The following AKAP11 variants were observed in gnomAD, a reference collection of about 807,000 sequenced individuals.
AKAP11 encodes the protein A-kinase anchor protein 11.
A neutral mutation model predicts 146.1 loss-of-function variants in AKAP11; 36 were observed. The ratio of observed to expected loss-of-function variants is 0.25; its 90% CI spans 0.19 to 0.33. The LOEUF (loss-of-function observed/expected upper bound fraction) is 0.33. Among genes scored for constraint, AKAP11 ranks in the 10% least tolerant of loss-of-function variants. The pLI, the probability that AKAP11 is intolerant of heterozygous loss-of-function variation, is 1.00. For missense variants in AKAP11, 2,201 were observed against 2,197.0 expected, an observed-to-expected ratio of 1.00 and a Z score of -0.04; for synonymous variants, 780 against 786.5, an observed-to-expected ratio of 0.99 and a Z score of 0.14.
At chr13:42,282,822 T>C (rs1384782247) in intron 1 of AKAP11, among the ~76,000 whole-genome samples, 6 of 152,344 alleles carry the variant, frequency 3.9e-5, no homozygotes, top group South Asian at 2.1e-4. Context: ...TTCCAAGCCA[T>C]GTAGGTTCAC....
At chr13:42,314,167 A>G (rs1011897249) in intron 11 of AKAP11, among the ~76,000 whole-genome samples, 4 of 152,192 alleles carry the variant, frequency 2.6e-5, no homozygotes, top group Non-Finnish European at 5.9e-5. Context: ...AATACTGGGC[A>G]GGCACGGTGG....
intron 1 of AKAP11, among the ~76,000 whole-genome samples, chr13:42,281,727 A>T (rs1019076307): frequency 8.5e-5 from 13 of 152,286 alleles, no homozygotes; most frequent in Admixed American, 6.5e-4. Context: ...ACATATATAG[A>T]TACACACATG....
At chr13:42,296,680 C>G (rs1322156923) in intron 5 of AKAP11, among the ~76,000 whole-genome samples, 1 of 151,674 alleles carries the variant, frequency 6.6e-6, no homozygotes, top group African/African-American at 2.4e-5. Context: ...TGTACATTCT[C>G]TAGCAAAAAA....
Position 42,304,001 on chromosome 13 carries a change from T to C in AKAP11, c.5117+138T>C, listed in dbSNP as rs1467274403. The C allele has an allele frequency of 3.7e-6, 4 of 1,095,056 alleles. No homozygotes were observed. The African/African-American group carries it at 6.4e-5, about 17-fold the overall frequency. 67.8% of individuals were successfully genotyped at this position (1,095,056 alleles called of 1,614,324 possible). On this transcript the variant is annotated intron_variant, in intron 8 of 12. Transcript: ENST00000025301. ...AAAAGTTTTCCCTGTTGCATTTATG[T>C]ATTGTTTCATATCCTACACATGACT...
chr13:42,283,015 GCTCT>G (rs1348730992), intron 1 of AKAP11, among the ~76,000 whole-genome samples: 32 of 152,252 alleles, frequency 2.1e-4, no homozygotes, highest in African/African-American at 7.5e-4. Context: ...AAAACGATGT[GCTCT>G]CTAATTATAT....
Position 42,299,707 on chromosome 13 carries a change from G to A in AKAP11, c.961G>A (p.Asp321Asn). 6.2e-7 allele frequency: 1 copy of A among 1,613,838 alleles called. No homozygotes were observed. Among genetic ancestry groups the A allele is most frequent in the Non-Finnish European group, 8.5e-7 (1 of 1,179,868 alleles). Residue 321 changes from aspartate to asparagine, a missense_variant, in exon 8 of 13, where the codon GAT becomes AAT. Physicochemically the swap from Asp to Asn is conservative, Grantham distance 23. Transcript: ENST00000025301. Reference sequence around the variant, plus strand: ...AAGTCCAAGTCCTGTTATTTTCTTGGATGAAGAGGGATATCAAAAAAGCTT... The same window carrying A: ...AAGTCCAAGTCCTGTTATTTTCTTGAATGAAGAGGGATATCAAAAAAGCTT... The part of the protein sequence containing the change: ...CSSPSPVIFL[D>N]EEGYQKSLKA...
rs1473735855 is a variant in AKAP11, at chr13:42,302,253, T to C, written c.3507T>C (p.Ser1169=). 3 of 1,614,180 alleles carry C rather than the reference T, an allele frequency of 1.9e-6. No individual in the cohort carries two copies. The highest frequency in any genetic ancestry group is 2.5e-6 in the Non-Finnish European group (3 of 1,180,026). The part of the protein sequence containing the change: ...KEEFMLKLMR[S]LSEEVESSES... ...AGTTCATGTTGAAACTCATGCGATCTCTTTCTGAAGAAGTTGAGAGTAGTG... is the reference window on the plus strand; with the variant it reads ...AGTTCATGTTGAAACTCATGCGATCCCTTTCTGAAGAAGTTGAGAGTAGTG... The change falls in exon 8 of 13, where the codon TCT becomes TCC. Residue 1169 remains serine, a synonymous_variant. Transcript: ENST00000025301.
chr13:42,279,267 A>ACC (rs1959004169), intron 1 of AKAP11, among the ~76,000 whole-genome samples: 8 of 149,868 alleles, frequency 5.3e-5, no homozygotes, highest in Admixed American at 2.6e-4. Context: ...GCACACCCAC[A>ACC]CACACACACA....
At chr13:42,316,605 C>G (rs1382538538) in intron 11 of AKAP11, among the ~76,000 whole-genome samples, 2 of 152,160 alleles carry the variant, frequency 1.3e-5, no homozygotes, top group Admixed American at 1.3e-4. Context: ...GGCATTTCCC[C>G]CCACTTTTGT....
At chr13:42,306,135 G>A (rs1287937382) in intron 8 of AKAP11, among the ~76,000 whole-genome samples, 1 of 152,154 alleles carries the variant, frequency 6.6e-6, no homozygotes, top group Non-Finnish European at 1.5e-5. Context: ...CTCTGTCCTA[G>A]ATCCACATTT....
rs116659249 is a variant in AKAP11, at chr13:42,292,973, A to G, written c.168+472A>G. On this transcript the variant is annotated intron_variant, in intron 4 of 12. Transcript: ENST00000025301. ...AAGATACTTACTCTATTACTTGAGG[A>G]TAAGATAATATACCTTGCTCACCTA... Among the ~76,000 whole-genome samples, 846 of 152,334 alleles carry G rather than the reference A, an allele frequency of 5.6e-3. 6 individuals carry two copies. The highest frequency in any genetic ancestry group is 0.019 in the African/African-American group (809 of 41,580).
At chr13:42,315,496 C>T (rs570318343) in intron 11 of AKAP11, among the ~76,000 whole-genome samples, 4 of 152,176 alleles carry the variant, frequency 2.6e-5, no homozygotes, top group African/African-American at 4.8e-5. Context: ...GGCTATACAT[C>T]GTATAAATGC....
intron 1 of AKAP11, among the ~76,000 whole-genome samples, chr13:42,277,429 C>G (rs1958949747): frequency 6.6e-6 from 1 of 152,150 alleles, no homozygotes; most frequent in Admixed American, 6.5e-5. Context: ...AAGTCAGTAG[C>G]CATTCACACT....
At chr13:42,293,989 T>C (rs2138533529) in intron 4 of AKAP11, among the ~76,000 whole-genome samples, 1 of 152,330 alleles carries the variant, frequency 6.6e-6, no homozygotes, top group East Asian at 1.9e-4. Context: ...TTGTATTGCC[T>C]TAAGTTTTAC....
At chr13:42,295,563 C>G (rs1449398822) in intron 4 of AKAP11, 132 bp from the exon 5 acceptor site, 2 of 832,096 alleles carry the variant, frequency 2.4e-6, no homozygotes, top group Non-Finnish European at 3.8e-6. Context: ...TTTGGGTCAT[C>G]TTTGAAAAAA....
rs1407883742 is a variant in AKAP11, at chr13:42,322,138, C to CT, written c.*2913dup. 2.0e-5 allele frequency: 3 copies of CT among 152,102 alleles called. No homozygotes were observed. The highest frequency in any genetic ancestry group is 1.5e-5 in the Non-Finnish European group (1 of 67,948). The allele number at this position is 152,102 out of a possible 1,614,324, so 9.4% of individuals were successfully genotyped here. On this transcript the variant is annotated 3_prime_UTR_variant, in exon 13 of 13. Transcript: ENST00000025301. ...ATATAATTTAATGGTGTTATAAAAC[C>CT]TTTAAGAGGATTCATGGTGAATATA...
At chr13:42,297,466 T>A (rs1959584629) in intron 6 of AKAP11, among the ~76,000 whole-genome samples, 1 of 152,002 alleles carries the variant, frequency 6.6e-6, no homozygotes, top group Non-Finnish European at 1.5e-5. Flanking sequence ...TCTGGATTTC[T>A]TGAACTACTT....
chr13:42,313,517 A>G (rs959080601), intron 10 of AKAP11, among the ~76,000 whole-genome samples: 15 of 152,218 alleles, frequency 9.9e-5, no homozygotes, highest in Non-Finnish European at 1.6e-4. Context: ...TGTATTAAAA[A>G]TATATATAAA....
In AKAP11 at chr13:42,300,575, G is replaced by T. The variant is rs779782512; in HGVS notation, c.1829G>T (p.Arg610Leu). The T allele has an allele frequency of 6.2e-7, 1 of 1,613,926 alleles. No individual in the cohort carries two copies. The highest frequency in any genetic ancestry group is 1.3e-5 in the African/African-American group (1 of 75,038). The change falls in exon 8 of 13, where the codon CGT becomes CTT. Residue 610 changes from arginine to leucine, a missense_variant. Transcript: ENST00000025301. The stretch of plus-strand genomic sequence containing the variant: ...CAGCGTGCATTTTCACTAAAAGAAC[G>T]TGCCATTAGTGGCCTGGCTAACTTT... ...RRQRAFSLKE[R>L]AISGLANFLV...
Sources: allele counts gnomAD v4.1 joint callset (sites outside exome capture counted in the v4.1 genomes callset), GRCh38; gene constraint gnomAD v4.1.1; transcripts MANE v1.5; gene names NCBI Gene and HGNC (gene_info 2026-07-23, HGNC 2026-07-21).